The following SLC25A12 variants were observed in gnomAD, a reference collection of about 807,000 sequenced individuals.
SLC25A12 encodes electrogenic aspartate/glutamate antiporter SLC25A12, mitochondrial.
Under a neutral mutation model 83.3 loss-of-function variants are expected in SLC25A12, and 32 were observed. That is an observed-to-expected ratio of 0.38 (90% CI 0.29 to 0.52). SLC25A12 has a LOEUF of 0.52. SLC25A12 is among the 20% of genes least tolerant of loss of function. The pLI is 0.84. For missense variants in SLC25A12, 611 were observed against 835.6 expected, an observed-to-expected ratio of 0.73 and a Z score of 3.31; for synonymous variants, 267 against 291.1, an observed-to-expected ratio of 0.92 and a Z score of 0.84.
At chr2:171,826,043 C>T (rs1558921124) in intron 9 of SLC25A12, among the ~76,000 whole-genome samples, 1 of 151,460 alleles carries the variant, frequency 6.6e-6, no homozygotes, top group African/African-American at 2.4e-5. Flanking sequence ...TCACTAATTA[C>T]TTTTTTTTTC....
At chr2:171,880,052 G>A (rs1385017974) in intron 2 of SLC25A12, among the ~76,000 whole-genome samples, 1 of 152,078 alleles carries the variant, frequency 6.6e-6, no homozygotes, top group Non-Finnish European at 1.5e-5. Flanking sequence ...TTATCTTTAG[G>A]AGCTACATAC....
intron 13 of SLC25A12, among the ~76,000 whole-genome samples, chr2:171,808,918 T>C (rs1178780486): frequency 6.7e-6 from 1 of 148,448 alleles, no homozygotes; most frequent in African/African-American, 2.5e-5. Flanking sequence ...GGTGTTCTCA[T>C]TGTTCAATTC....
At chr2:171,871,580 A>G (rs1301218620) in intron 2 of SLC25A12, 1 of 263,806 alleles carries the variant, frequency 3.8e-6, no homozygotes, top group Non-Finnish European at 5.9e-6. Flanking sequence ...TCGGCCTCCC[A>G]AAGTGCCGGG....
intron 2 of SLC25A12, among the ~76,000 whole-genome samples, chr2:171,877,619 C>T (rs1413125471): frequency 2.0e-5 from 3 of 149,048 alleles, no homozygotes; most frequent in East Asian, 2.0e-4. Context: ...AAGCCGAGAT[C>T]GTGCCACTCA....
intron 8 of SLC25A12, among the ~76,000 whole-genome samples, chr2:171,827,572 G>T (rs1044745083): frequency 3.9e-5 from 6 of 152,188 alleles, no homozygotes; most frequent in African/African-American, 7.2e-5. Flanking sequence ...GGGTGTAACC[G>T]ATAGGAAACC....
Position 171,784,237 on chromosome 2 carries a change from T to C in SLC25A12, c.*1037A>G, listed in dbSNP as rs1690446679. The C allele has an allele frequency of 6.6e-6, 1 of 152,226 alleles. No individual in the cohort carries two copies. The highest frequency in any genetic ancestry group is 2.1e-4 in the South Asian group (1 of 4,832). The allele number at this position is 152,226 out of a possible 1,614,324, so 9.4% of individuals were successfully genotyped here. A position where few individuals can be genotyped will look rare whatever the true frequency, so the allele number is the denominator to read the frequency against. ...CCCTTCACTCTGCGCTAGCCCTTTC[T>C]AAAACTAATTTTTCTGTTTTCTATA... On this transcript the variant is annotated 3_prime_UTR_variant, in exon 18 of 18. Coordinates refer to ENST00000422440, the MANE Select transcript of SLC25A12 (RefSeq NM_003705.5).
chr2:171,824,692 ATT>A (rs140387692), intron 9 of SLC25A12, among the ~76,000 whole-genome samples: 32,241 of 151,798 alleles, frequency 0.21, 4,095 homozygotes, highest in East Asian at 0.57. Context: ...AATTTTTCAC[ATT>A]CTTTCCTTTT....
chr2:171,791,466 C>T lies in SLC25A12; in HGVS notation c.1570G>A (p.Ala524Thr). 1 of 1,614,080 alleles carries T rather than the reference C, an allele frequency of 6.2e-7. No individual in the cohort carries two copies. ...GHVGGLNLLA[A>T]GAMAGVPAAS... ...TTGTAGTTACCTGCCATGGCTCCAG[C>T]TGCAAGAAGATTTAAACCTCCCACG... Residue 524 changes from alanine to threonine, a missense_variant, in exon 15 of 18, where the codon GCT becomes ACT. Ala to Thr is a moderately conservative substitution (Grantham distance 58, BLOSUM62 0). Coordinates refer to ENST00000422440, the MANE Select transcript of SLC25A12 (RefSeq NM_003705.5).
chr2:171,834,183 T>C (rs1684507194), intron 7 of SLC25A12, 127 bp from the exon 8 acceptor site: 1 of 644,620 alleles, frequency 1.6e-6, no homozygotes, highest in South Asian at 1.8e-5. Context: ...AAATCTAAAA[T>C]TGAATTTAAA....
chr2:171,801,333 G>A (rs1683704518), intron 13 of SLC25A12, among the ~76,000 whole-genome samples: 1 of 152,278 alleles, frequency 6.6e-6, no homozygotes, highest in Non-Finnish European at 1.5e-5. Context: ...TGGGGTAAGA[G>A]AGTTAGCCTT....
chr2:171,831,885 CA>C (rs1021289964), intron 8 of SLC25A12, among the ~76,000 whole-genome samples: 1 of 129,128 alleles, frequency 7.7e-6, no homozygotes, highest in African/African-American at 2.9e-5. Context: ...GGCAACAGAG[CA>C]AGACTCTGTC....
chr2:171,876,543 T>G (rs79605155), intron 2 of SLC25A12, among the ~76,000 whole-genome samples: 2,859 of 29,458 alleles, frequency 0.097, 47 homozygotes, highest in Middle Eastern at 0.29. Flanking sequence ...TTTTTTTTTT[T>G]GGGGGGGGGG....
intron 2 of SLC25A12, among the ~76,000 whole-genome samples, chr2:171,873,978 C>T (rs1685509694): frequency 1.3e-5 from 2 of 152,254 alleles, no homozygotes; most frequent in Non-Finnish European, 2.9e-5. Flanking sequence ...GTAATCCCAG[C>T]ACTTTGGGAG....
chr2:171,891,309 A>G (rs1685931518), intron 2 of SLC25A12, among the ~76,000 whole-genome samples: 1 of 152,188 alleles, frequency 6.6e-6, no homozygotes, highest in Admixed American at 6.5e-5. Context: ...AAAAAAAAAA[A>G]AAAGTTGTCA....
At chr2:171,844,034 C>T (rs1684740514) in intron 5 of SLC25A12, among the ~76,000 whole-genome samples, 1 of 152,142 alleles carries the variant, frequency 6.6e-6, no homozygotes, top group African/African-American at 2.4e-5. Flanking sequence ...ATCTGCCCGC[C>T]TCGGCCTCCC....
chr2:171,823,046 C>G (rs927111227), intron 9 of SLC25A12, among the ~76,000 whole-genome samples: 1 of 152,158 alleles, frequency 6.6e-6, no homozygotes, highest in Non-Finnish European at 1.5e-5. Flanking sequence ...ATTCTGTGAA[C>G]TAAAGAATGT....
intron 2 of SLC25A12, among the ~76,000 whole-genome samples, chr2:171,877,749 C>T (rs1686774784): frequency 6.6e-6 from 1 of 151,406 alleles, no homozygotes; most frequent in African/African-American, 2.4e-5. Context: ...ACACACAACC[C>T]TAAATTTCCA....
intron 2 of SLC25A12, among the ~76,000 whole-genome samples, chr2:171,876,976 C>T (rs961837331): frequency 6.6e-6 from 1 of 152,166 alleles, no homozygotes; most frequent in Non-Finnish European, 1.5e-5. Flanking sequence ...CTTGATTAAA[C>T]TTTTTCCAAG....
intron 2 of SLC25A12, among the ~76,000 whole-genome samples, chr2:171,869,598 T>C (rs1268312856): frequency 6.6e-6 from 1 of 152,162 alleles, no homozygotes; most frequent in African/African-American, 2.4e-5. Flanking sequence ...TCAGTAATTT[T>C]TTACATCAAT....
Sources: gnomAD v4.1 joint callset for allele counts (sites outside exome capture counted in the v4.1 genomes callset) on GRCh38, gnomAD v4.1.1 for gene constraint, MANE v1.5 for transcripts, NCBI Gene and HGNC (gene_info 2026-07-23, HGNC 2026-07-21) for gene names.